FRY: variants seen among roughly 807,000 people sequenced by gnomAD.
FRY encodes the protein FRY microtubule binding protein.
In FRY, 128 loss-of-function variants were observed where a neutral mutation model predicts 348.4. That is an observed-to-expected ratio of 0.37 (90% confidence interval 0.32 to 0.43). The LOEUF (loss-of-function observed/expected upper bound fraction) is 0.43. Ranked by LOEUF, FRY falls within the 20% of genes least tolerant of loss-of-function variation. The probability of loss-of-function intolerance (pLI) is 1.00; values close to 1 mark genes in which losing one functional copy is unlikely to be tolerated. For synonymous variants in FRY, 1,370 were observed against 1,374.7 expected, an observed-to-expected ratio of 1.00 and a Z score of 0.08; for missense variants, 2,736 against 3,695.2, an observed-to-expected ratio of 0.74 and a Z score of 6.73.
chr13:32,208,811 A>G (rs1250301089), intron 31 of FRY, 42 bp from the exon 32 acceptor site: 1 of 1,612,420 alleles, frequency 6.2e-7, no homozygotes, highest in Non-Finnish European at 8.5e-7. Flanking sequence ...ATTTTGGTGG[A>G]ATAAGGTATG....
intron 28 of FRY, among the ~76,000 whole-genome samples, chr13:32,188,664 C>A (rs1883164240): frequency 6.6e-6 from 1 of 152,108 alleles, no homozygotes; most frequent in African/African-American, 2.4e-5. Flanking sequence ...GACCTTTGCT[C>A]TTGAATAGTC....
chr13:32,171,007 C>T lies in FRY; in HGVS notation c.1893-5C>T, dbSNP rs1213653610. 6.3e-7 allele frequency: 1 copy of T among 1,599,308 alleles called. No homozygotes were observed. Among genetic ancestry groups the T allele is most frequent in the Admixed American group, 1.7e-5 (1 of 60,004 alleles). ...TGATTTTATTTTCCTTTATTCGTTT[C>T]ACAGGCTCTCTATTCATATGGATGA... On this transcript the variant is annotated splice_region_variant and splice_polypyrimidine_tract_variant and intron_variant, in intron 17 of 60. Coordinates refer to ENST00000542859, the MANE Select transcript of FRY (RefSeq NM_023037.3).
intron 6 of FRY, 36 bp downstream of exon 6, chr13:32,124,717 G>C (rs1878918016): frequency 6.6e-7 from 1 of 1,519,764 alleles, no homozygotes; most frequent in Non-Finnish European, 9.1e-7. Context: ...GTTGAAGTTG[G>C]TGTTTAAAAC....
chr13:32,135,581 A>C (rs540356024), intron 10 of FRY, among the ~76,000 whole-genome samples: 1 of 152,340 alleles, frequency 6.6e-6, no homozygotes, highest in East Asian at 1.9e-4. Context: ...TCAAAATGGA[A>C]ACAGGCAGGA....
At chr13:32,096,802 CA>C (rs10680393) in intron 2 of FRY, among the ~76,000 whole-genome samples, 18,802 of 75,610 alleles carry the variant, frequency 0.25, 572 homozygotes, top group Admixed American at 0.32. Context: ...GACTCTGTCT[CA>C]AAAAAAAAAA....
chr13:32,100,691 A>G (rs956822829), intron 2 of FRY, among the ~76,000 whole-genome samples: 5 of 152,190 alleles, frequency 3.3e-5, no homozygotes, highest in Non-Finnish European at 5.9e-5. Context: ...AGGCTGCTAT[A>G]ACAAATTACT....
rs1449278022 is a variant in FRY at position 32,135,087 on chromosome 13, T to G, written c.981T>G (p.Ala327=). ...FVEILVPVAA[A]VKNEVNVPCL... is the part of the protein sequence containing the mutation. Reference sequence around the variant, plus strand: ...ATTCACATGCATCTCTATTTCAGGCTGTTAAAAATGAAGTAAATGTTCCCT... The same window carrying G: ...ATTCACATGCATCTCTATTTCAGGCGGTTAAAAATGAAGTAAATGTTCCCT... The change falls in exon 10 of 61, where the codon GCT becomes GCG. Residue 327 remains alanine, a splice_region_variant and synonymous_variant. Transcript: ENST00000542859. 6.2e-7 allele frequency: 1 copy of G among 1,600,782 alleles called. No homozygotes were observed. Among genetic ancestry groups the G allele is most frequent in the East Asian group, 2.2e-5 (1 of 44,808 alleles).
rs1381886205 is a variant in FRY, at chr13:32,171,179, A to G, written c.2060A>G (p.Lys687Arg). The change falls in exon 18 of 61, where the codon AAG becomes AGG. Residue 687 changes from lysine to arginine, a missense_variant. Lys to Arg is a conservative substitution (Grantham distance 26, BLOSUM62 2). Around this residue, in one of 9 missense-constraint regions of FRY, gnomAD observed 449 missense variants for 576.9 expected, o/e 0.78. Coordinates refer to ENST00000542859, the MANE Select transcript of FRY (RefSeq NM_023037.3). Reference sequence around the variant, plus strand: ...CACACACTCCTTGATTCGTCCCTGAAGTTGCTGCTGCAGCTGCTCACCCAG... The same window carrying G: ...CACACACTCCTTGATTCGTCCCTGAGGTTGCTGCTGCAGCTGCTCACCCAG... ...MHHTLLDSSL[K>R]LLLQLLTQWK... 6.2e-7 allele frequency: 1 copy of G among 1,613,872 alleles called. No individual in the cohort carries two copies. Among genetic ancestry groups the G allele is most frequent in the South Asian group, 1.1e-5 (1 of 91,068 alleles).
At position 32,186,316 on chromosome 13, in the gene FRY, T is replaced by C; in HGVS notation, c.3376T>C (p.Leu1126=). 6.2e-7 allele frequency: 1 copy of C among 1,613,152 alleles called. No homozygotes were observed. The highest frequency in any genetic ancestry group is 1.7e-4 in the Middle Eastern group (1 of 6,060). Residue 1126 remains leucine, a synonymous_variant, in exon 27 of 61, where the codon TTA becomes CTA. Coordinates refer to ENST00000542859, the MANE Select transcript of FRY (RefSeq NM_023037.3). Reference sequence around the variant, plus strand: ...AAGTCTGAGGCACCACCTTTTCATCTTATTCAGCCAGTGGGCAGGACCCTT... The same window carrying C: ...AAGTCTGAGGCACCACCTTTTCATCCTATTCAGCCAGTGGGCAGGACCCTT... ...QQSLRHHLFI[L]FSQWAGPFSI...
At position 32,270,813 on chromosome 13, in the gene FRY, G is replaced by C. The variant is rs977551048; in HGVS notation, c.8136+3454G>C. Among the ~76,000 whole-genome samples, 11 of 152,228 alleles carry C rather than the reference G, an allele frequency of 7.2e-5. No individual in the cohort carries two copies. The East Asian group carries it at 1.5e-3, about 21-fold the overall frequency. On this transcript the variant is annotated intron_variant, in intron 55 of 60. Coordinates refer to ENST00000542859, the MANE Select transcript of FRY (RefSeq NM_023037.3). Reference sequence around the variant, plus strand: ...ACTCTATATGATAATAACTTGTTTTGGTGTCTGTCTCCCGTGAAGAGGGCA... The same window carrying C: ...ACTCTATATGATAATAACTTGTTTTCGTGTCTGTCTCCCGTGAAGAGGGCA...
rs868354170 is a variant in FRY, at chr13:32,124,293, C to A, written c.472C>A (p.Gln158Lys). Residue 158 changes from glutamine (Q) to lysine (K), a missense_variant, in exon 5 of 61, where the codon CAA (glutamine) becomes AAA (lysine). Gln to Lys is a moderately conservative substitution (Grantham distance 53). Transcript: ENST00000542859. Reference sequence around the variant, plus strand: ...ATATTTTAAATTTTACAGCGATGAACAACAGCGAGATTATTTAATGGAAAG... The same window carrying A: ...ATATTTTAAATTTTACAGCGATGAAAAACAGCGAGATTATTTAATGGAAAG... ...RTSNKSKSDE[Q>K]QRDYLMERRD... is the part of the protein sequence containing the mutation. 1 of 1,577,456 alleles carries A rather than the reference C, an allele frequency of 6.3e-7. No homozygotes were observed. Among genetic ancestry groups the A allele is most frequent in the Non-Finnish European group, 8.7e-7 (1 of 1,146,614 alleles).
intron 11 of FRY, among the ~76,000 whole-genome samples, chr13:32,142,254 C>T (rs1880120133): frequency 6.6e-6 from 1 of 152,132 alleles, no homozygotes; most frequent in Non-Finnish European, 1.5e-5. Context: ...CCACTGAGGC[C>T]AGATTGCCTA....
At chr13:32,198,846 T>C (rs1426579936) in intron 29 of FRY, among the ~76,000 whole-genome samples, 1 of 152,168 alleles carries the variant, frequency 6.6e-6, no homozygotes, top group Non-Finnish European at 1.5e-5. Flanking sequence ...GGAGTAAAAA[T>C]TAATAAACCT....
chr13:32,147,139 T>C, intron 11 of FRY, 143 bp from the exon 12 acceptor site: 1 of 646,100 alleles, frequency 1.5e-6, no homozygotes, highest in Admixed American at 2.1e-5. Context: ...ACTCTGTAAG[T>C]CCCAGGTGAT....
chr13:32,254,374 G>A lies in FRY; in HGVS notation c.7396G>A (p.Val2466Met). The A allele has an allele frequency of 6.2e-7, 1 of 1,614,130 alleles. No individual in the cohort carries two copies. Among genetic ancestry groups the A allele is most frequent in the Non-Finnish European group, 8.5e-7 (1 of 1,179,962 alleles). The change falls in exon 51 of 61, where the codon GTG becomes ATG. Residue 2466 changes from valine to methionine, a missense_variant. By Grantham distance (21) the Val-to-Met change is conservative. Around this residue, in one of 9 missense-constraint regions of FRY, gnomAD observed 789 missense variants for 996.2 expected, o/e 0.79. Coordinates refer to ENST00000542859, the MANE Select transcript of FRY (RefSeq NM_023037.3). ...CTTCAGAGACTTCGACTTCCTAGAT[G>A]TGGAGCTGGAGGATGGAGAGGTACG... is the stretch of plus-strand genomic sequence containing the variant. ...RVFRDFDFLD[V>M]ELEDGEGESM... is the part of the protein sequence containing the mutation.
chr13:32,153,350 TA>T, intron 14 of FRY, among the ~76,000 whole-genome samples: 1 of 152,154 alleles, frequency 6.6e-6, no homozygotes, highest in Non-Finnish European at 1.5e-5. Flanking sequence ...ATACAATGGG[TA>T]CTATTTAGCA....
intron 17 of FRY, among the ~76,000 whole-genome samples, chr13:32,167,281 TCTGGAGG>T (rs1881795052): frequency 6.6e-6 from 1 of 152,166 alleles, no homozygotes; most frequent in South Asian, 2.1e-4. Context: ...CTCTCACACT[TCTGGAGG>T]CTAGAGGTCC....
intron 29 of FRY, among the ~76,000 whole-genome samples, chr13:32,198,343 G>A (rs769955728): frequency 1.3e-5 from 2 of 152,186 alleles, no homozygotes; most frequent in African/African-American, 2.4e-5. Flanking sequence ...TCAGAAGACA[G>A]AGACATAGGT....
intron 1 of FRY, among the ~76,000 whole-genome samples, chr13:32,061,448 A>G (rs957787789): frequency 6.6e-6 from 1 of 152,212 alleles, no homozygotes; most frequent in African/African-American, 2.4e-5. Flanking sequence ...AACTTTCACT[A>G]AAAGATTTGG....
Sources: gnomAD v4.1 joint callset for allele counts (sites outside exome capture counted in the v4.1 genomes callset) on GRCh38, gnomAD v4.1.1 for gene constraint, gnomAD v4.1.1 regional missense constraint, MANE v1.5 for transcripts, NCBI Gene and HGNC (gene_info 2026-07-23, HGNC 2026-07-21) for gene names.